SPATA2: variants seen among roughly 807,000 people sequenced by gnomAD.
The protein encoded by SPATA2 is spermatogenesis associated 2.
In SPATA2, 8 loss-of-function variants were observed where a neutral mutation model predicts 35.4. The observed-to-expected ratio is 0.23, with a 90% CI of 0.13 to 0.41. The LOEUF (loss-of-function observed/expected upper bound fraction) is 0.41, where lower values mean the gene tolerates loss of function less well. Among genes scored for constraint, SPATA2 ranks in the 10% least tolerant of loss-of-function variants. The probability of loss-of-function intolerance (pLI) is 1.00; values close to 1 mark genes in which losing one functional copy is unlikely to be tolerated. For synonymous variants in SPATA2, 293 were observed against 300.9 expected (o/e 0.97, Z 0.27); for missense variants, 650 against 698.7 (o/e 0.93, Z 0.79).
intron 1 of SPATA2, among the ~76,000 whole-genome samples, chr20:49,908,840 G>A (rs1435984427): frequency 6.6e-6 from 1 of 152,144 alleles, no homozygotes; most frequent in African/African-American, 2.4e-5. Context: ...AGTACAGCAG[G>A]AGCTCCTGTC....
chr20:49,906,907 T>C lies in SPATA2; in HGVS notation c.337-62A>G. On this transcript the variant is annotated intron_variant, in intron 2 of 2. Transcript: ENST00000289431. The surrounding 1 kb of genome is among the most constrained non-coding windows in gnomAD (Gnocchi z 8.2). ...TCTGTCAGAGACACAAGACAGAGAC[T>C]ATGTCAAAGCAAAGGATGTCCAGCT... The C allele has an allele frequency of 2.6e-6, 4 of 1,534,788 alleles. No individual in the cohort carries two copies. Among genetic ancestry groups the C allele is most frequent in the Non-Finnish European group, 3.5e-6 (4 of 1,136,976 alleles).
At chr20:49,908,093 G>C in intron 2 of SPATA2, 62 bp downstream of exon 2, 1 of 1,483,358 alleles carries the variant, frequency 6.7e-7, no homozygotes, top group African/African-American at 1.4e-5. Context: ...CCTCTCAGGA[G>C]GGACTGCCAG....
intron 2 of SPATA2, among the ~76,000 whole-genome samples, chr20:49,907,252 G>C (rs1228171821): frequency 1.3e-5 from 2 of 152,078 alleles, no homozygotes; most frequent in African/African-American, 4.8e-5. Flanking sequence ...GTAGAGATGG[G>C]GTTTCACCGT....
Position 49,912,695 on chromosome 20 carries a change from G to A in SPATA2, c.-103+2685C>T, listed in dbSNP as rs575901823. Among the ~76,000 whole-genome samples the A allele has an allele frequency of 1.1e-3, 169 of 152,176 alleles. 1 individual carries two copies. The highest frequency in any genetic ancestry group is 3.7e-3 in the African/African-American group (154 of 41,530). ...CAGCCAGTCTCAAGCTCGGCTCAGCGTCTGCTGCTCTATAATCGCACCACA... is the reference window on the plus strand; with the variant it reads ...CAGCCAGTCTCAAGCTCGGCTCAGCATCTGCTGCTCTATAATCGCACCACA... On this transcript the variant is annotated intron_variant, in intron 1 of 2. Coordinates refer to ENST00000289431, the MANE Select transcript of SPATA2 (RefSeq NM_006038.4).
chr20:49,907,955 C>T (rs997637857), intron 2 of SPATA2, among the ~76,000 whole-genome samples, 200 bp downstream of exon 2: 2 of 152,190 alleles, frequency 1.3e-5, no homozygotes, highest in African/African-American at 4.8e-5. Flanking sequence ...CCCTGCCTTC[C>T]CAGCTTCTCT....
At chr20:49,914,351 C>T (rs1457393860) in intron 1 of SPATA2, among the ~76,000 whole-genome samples, 2 of 152,032 alleles carry the variant, frequency 1.3e-5, no homozygotes, top group Non-Finnish European at 2.9e-5. Context: ...CAGAAATGTT[C>T]CCCAAGCAGC....
chr20:49,914,837 C>A (rs1348690722), intron 1 of SPATA2, among the ~76,000 whole-genome samples: 1 of 152,214 alleles, frequency 6.6e-6, no homozygotes, highest in African/African-American at 2.4e-5. Context: ...AATTCTGGCC[C>A]CCCCTACGGC....
At position 49,908,332 on chromosome 20, in the gene SPATA2, G is replaced by A. The variant is rs200736077; in HGVS notation, c.159C>T (p.His53=). The A allele has an allele frequency of 6.2e-7, 1 of 1,614,148 alleles. No individual in the cohort carries two copies. Among genetic ancestry groups the A allele is most frequent in the African/African-American group, 1.3e-5 (1 of 74,950 alleles). Residue 53 remains histidine (H), a synonymous_variant, in exon 2 of 3, where the codon CAC becomes CAT. Coordinates refer to ENST00000289431, the MANE Select transcript of SPATA2 (RefSeq NM_006038.4). ...GGAATCGATAAAAGGGATCCACCTT[G>A]TGCAGGCTGAGCAGGGTTGAGGCTG... ...RVAASTLLSL[H]KVDPFYRFRL... is the part of the protein sequence containing the mutation.
chr20:49,914,364 T>C (rs1378170150), intron 1 of SPATA2, among the ~76,000 whole-genome samples: 3 of 152,054 alleles, frequency 2.0e-5, no homozygotes, highest in African/African-American at 7.2e-5. Context: ...CAAGCAGCAT[T>C]TGAAGGCGCC....
rs750485207 is a variant in SPATA2 at position 49,906,637 on chromosome 20, T to C, written c.545A>G (p.Gln182Arg). The C allele has an allele frequency of 6.8e-6, 11 of 1,614,210 alleles. No individual in the cohort carries two copies. The highest frequency in any genetic ancestry group is 9.3e-6 in the Non-Finnish European group (11 of 1,180,038). The part of the protein sequence containing the change: ...ECEQMLEIHS[Q>R]VKDKGYSELD... ...CTCGGAGTAGCCCTTGTCCTTCACT[T>C]GTGAGTGGATTTCTAGCATCTGCTC... The change falls in exon 3 of 3, where the codon CAA (glutamine) becomes CGA (arginine). Residue 182 changes from glutamine (Q) to arginine (R), a missense_variant. Gln to Arg is a conservative substitution (Grantham distance 43). Coordinates refer to ENST00000289431, the MANE Select transcript of SPATA2 (RefSeq NM_006038.4). The surrounding 1 kb of genome is among the most constrained non-coding windows in gnomAD (Gnocchi z 8.2).
At position 49,903,902 on chromosome 20, in the gene SPATA2, G is replaced by GATATATATAGATATATATATAT. The variant is rs2090122494; in HGVS notation, c.*1716_*1717insATATATATATATCTATATATAT. On this transcript the variant is annotated 3_prime_UTR_variant, in exon 3 of 3. Transcript: ENST00000289431. Reference sequence around the variant, plus strand: ...ACATCTACATGTGATCTACCAGATAGATATATATATATATATATATATATA... The same window carrying GATATATATAGATATATATATAT: ...ACATCTACATGTGATCTACCAGATAGATATATATAGATATATATATATATATATATATATATATATATATATA... 1.0e-5 allele frequency: 1 copy of GATATATATAGATATATATATAT among 96,930 alleles called. No homozygotes were observed. The highest frequency in any genetic ancestry group is 2.6e-4 in the East Asian group (1 of 3,872). 6.0% of individuals were successfully genotyped at this position (96,930 alleles called of 1,614,324 possible).
In SPATA2 at chr20:49,908,518, TC is replaced by T. The variant is rs767605632; in HGVS notation, c.-29del. ...GATCGAGGGGGGCTACCTTATCTCC[TC>T]CATGGCTTCTGGATTAGAGGCAGGG... On this transcript the variant is annotated 5_prime_UTR_variant, in exon 2 of 3. The change creates a premature stop within an existing upstream ORF in the 5' untranslated region. Transcript: ENST00000289431. 9.1e-6 allele frequency: 14 copies of T among 1,542,912 alleles called. No individual in the cohort carries two copies. The highest frequency in any genetic ancestry group is 6.8e-5 in the East Asian group (3 of 44,068).
intron 1 of SPATA2, among the ~76,000 whole-genome samples, chr20:49,909,944 T>C (rs1242686504): frequency 6.6e-6 from 1 of 152,212 alleles, no homozygotes; most frequent in Admixed American, 6.5e-5. Context: ...GTTACCGGCC[T>C]TTGACAGCCT....
In SPATA2 at chr20:49,906,181, T is replaced by C. The variant is rs1186966570; in HGVS notation, c.1001A>G (p.Asp334Gly). ...TTCAGAGTCTGTGTACAGATCCACG[T>C]CATCCTGAGTGGAGAAGTAGGTACC... ...LRGTYFSTQD[D>G]VDLYTDSEPR... The change falls in exon 3 of 3, where the codon GAC (aspartate) becomes GGC (glycine). Residue 334 changes from aspartate to glycine, a missense_variant. Physicochemically the swap from Asp to Gly is moderately conservative, Grantham distance 94 (BLOSUM62 -1). Coordinates refer to ENST00000289431, the MANE Select transcript of SPATA2 (RefSeq NM_006038.4). The surrounding 1 kb of genome is among the most constrained non-coding windows in gnomAD (Gnocchi z 8.2). 1 of 1,586,908 alleles carries C rather than the reference T, an allele frequency of 6.3e-7. No individual in the cohort carries two copies. Among genetic ancestry groups the C allele is most frequent in the South Asian group, 1.1e-5 (1 of 87,280 alleles).
In SPATA2 at chr20:49,906,671, C is replaced by A; in HGVS notation, c.511G>T (p.Val171Phe). The A allele has an allele frequency of 6.2e-7, 1 of 1,614,268 alleles. No homozygotes were observed. Among genetic ancestry groups the A allele is most frequent in the Non-Finnish European group, 8.5e-7 (1 of 1,180,052 alleles). The change falls in exon 3 of 3, where the codon GTC (valine) becomes TTC (phenylalanine). Residue 171 changes from valine (V) to phenylalanine (F), a missense_variant. By Grantham distance (50) the Val-to-Phe change is conservative (BLOSUM62 -1). Coordinates refer to ENST00000289431, the MANE Select transcript of SPATA2 (RefSeq NM_006038.4). The surrounding 1 kb of genome is among the most constrained non-coding windows in gnomAD (Gnocchi z 8.2). Reference sequence around the variant, plus strand: ...ATTTCTAGCATCTGCTCACACTCGACTTTGGCCAGAAAGAGCTCAAAGGAG... The same window carrying A: ...ATTTCTAGCATCTGCTCACACTCGAATTTGGCCAGAAAGAGCTCAAAGGAG... Reference protein sequence around the residue: ...MVSFELFLAKVECEQMLEIHS... With the variant: ...MVSFELFLAKFECEQMLEIHS...
intron 1 of SPATA2, among the ~76,000 whole-genome samples, chr20:49,909,267 C>T (rs2090168943): frequency 6.6e-6 from 1 of 152,014 alleles, no homozygotes; most frequent in South Asian, 2.1e-4. Flanking sequence ...AAGTGATCCA[C>T]CAGCCTTGGC....
chr20:49,914,915 C>G (rs954707260), intron 1 of SPATA2, among the ~76,000 whole-genome samples: 1 of 152,212 alleles, frequency 6.6e-6, no homozygotes, highest in Admixed American at 6.5e-5. Context: ...AGAGGCCCTG[C>G]ATGATCTCAT....
rs148125920 is a variant in SPATA2 at position 49,905,948 on chromosome 20, C to T, written c.1234G>A (p.Ala412Thr). The T allele has an allele frequency of 2.5e-5, 41 of 1,609,936 alleles. No individual in the cohort carries two copies. The South Asian group carries it at 3.6e-4, about 14-fold the overall frequency. ...TGAGTCGAGGCCTTGCTGGGGAAGG[C>T]GCTGGGCTTGGAAGCTGGAGGACAG... ...LTCPPASKPSAFPSKASTHDS... is the reference protein window; with the variant it reads ...LTCPPASKPSTFPSKASTHDS... The change falls in exon 3 of 3, where the codon GCC (alanine) becomes ACC (threonine). Residue 412 changes from alanine to threonine, a missense_variant. By Grantham distance (58) the Ala-to-Thr change is moderately conservative. Transcript: ENST00000289431.
In SPATA2 at chr20:49,906,300, TGGGCGGATG is replaced by T; in HGVS notation, c.873_881del (p.Ile292_Pro294del). ...TGGCCATGGTCAGCAGCGAAGGGGA[TGGGCGGATG>T]ATCTCATCCTTGAGGTCGTCCCCCA... On this transcript the variant is annotated inframe_deletion, in exon 3 of 3. Transcript: ENST00000289431. This position sits in a 1 kb window ranked among gnomAD's most constrained non-coding sequence, Gnocchi z 8.2. The T allele has an allele frequency of 6.3e-7, 1 of 1,587,338 alleles. No individual in the cohort carries two copies. The highest frequency in any genetic ancestry group is 1.2e-5 in the South Asian group (1 of 86,280).
Sources: allele counts gnomAD v4.1 joint callset (sites outside exome capture counted in the v4.1 genomes callset), GRCh38; gene constraint gnomAD v4.1.1; non-coding constraint Gnocchi (gnomAD v3.1); transcripts MANE v1.5; gene names NCBI Gene and HGNC (gene_info 2026-07-23, HGNC 2026-07-21).